BPIFB1: variants seen among roughly 807,000 people sequenced by gnomAD.
BPIFB1 encodes the protein BPI fold-containing family B member 1.
Under a neutral mutation model 55.1 loss-of-function variants are expected in BPIFB1, and 34 were observed. The ratio of observed to expected loss-of-function variants is 0.62; its 90% CI spans 0.47 to 0.82. The LOEUF (loss-of-function observed/expected upper bound fraction) is 0.82, where lower values mean the gene tolerates loss of function less well. Ranked by LOEUF, BPIFB1 falls within the 40% of genes least tolerant of loss-of-function variation. The probability of loss-of-function intolerance (pLI) is 0.00; values close to 1 mark genes in which losing one functional copy is unlikely to be tolerated. For missense variants in BPIFB1, 532 were observed against 593.1 expected (o/e 0.90, Z 1.07); for synonymous variants, 236 against 245.3 (o/e 0.96, Z 0.35).
At position 33,306,913 on chromosome 20, in the gene BPIFB1, A is replaced by C. The variant is rs890618043; in HGVS notation, c.1321A>C (p.Lys441Gln). 12 of 1,613,736 alleles carry C rather than the reference A, an allele frequency of 7.4e-6. No homozygotes were observed. Among genetic ancestry groups the C allele is most frequent in the Non-Finnish European group, 1.0e-5 (12 of 1,179,682 alleles). The change falls in exon 15 of 16, where the codon AAA (lysine) becomes CAA (glutamine). Residue 441 changes from lysine to glutamine, a missense_variant and splice_region_variant. By Grantham distance (53) the Lys-to-Gln change is moderately conservative (BLOSUM62 1). Transcript: ENST00000253354. ...HSILLPNQNG[K>Q]LRSGVPVSLV... is the part of the protein sequence containing the mutation. ...TCTGACCACATTTGTTATTTCAGGC[A>C]AATTAAGATCTGGGGTCCCAGTGTC...
At chr20:33,303,142 C>T in intron 11 of BPIFB1, 68 bp downstream of exon 11, 1 of 1,578,360 alleles carries the variant, frequency 6.3e-7, no homozygotes, top group Admixed American at 1.7e-5. Context: ...TCCTGTTCGC[C>T]CTCTTGCTTT....
At chr20:33,291,762 T>C (rs1405158550) in intron 5 of BPIFB1, 145 bp from the exon 6 acceptor site, 1 of 678,412 alleles carries the variant, frequency 1.5e-6, no homozygotes, top group Non-Finnish European at 2.5e-6. Context: ...GCTCAGGGGC[T>C]ACTCCCAGCC....
intron 11 of BPIFB1, among the ~76,000 whole-genome samples, chr20:33,303,567 A>G (rs888904039): frequency 6.6e-6 from 1 of 152,040 alleles, no homozygotes; most frequent in Non-Finnish European, 1.5e-5. Context: ...CTCAGGGCTG[A>G]CTCTCACTGA....
intron 14 of BPIFB1, chr20:33,306,682 G>A (rs1981036984): frequency 5.3e-6 from 3 of 567,826 alleles, no homozygotes; most frequent in Non-Finnish European, 9.5e-6. Context: ...GAGCGTAAGA[G>A]AATGTGAGGA....
intron 15 of BPIFB1, among the ~76,000 whole-genome samples, chr20:33,308,162 C>A (rs1981096968): frequency 6.6e-6 from 1 of 152,062 alleles, no homozygotes; most frequent in Non-Finnish European, 1.5e-5. Flanking sequence ...CCAGATCTCA[C>A]AAGAGCACAC....
intron 1 of BPIFB1, among the ~76,000 whole-genome samples, chr20:33,285,524 T>C (rs896402505): frequency 9.9e-5 from 15 of 151,140 alleles, no homozygotes; most frequent in Non-Finnish European, 1.9e-4. Flanking sequence ...CCATCCTGGC[T>C]AACACGGTGA....
At position 33,297,557 on chromosome 20, in the gene BPIFB1, C is replaced by A. The variant is rs1436906430; in HGVS notation, c.630C>A (p.Gly210=). The change falls in exon 7 of 16, where the codon GGC becomes GGA. Residue 210 remains glycine, a synonymous_variant. Coordinates refer to ENST00000253354, the MANE Select transcript of BPIFB1 (RefSeq NM_033197.3). The stretch of plus-strand genomic sequence containing the variant: ...CCGTGATCGAGGCTTCCTTCAATGG[C>A]ATGTATGCAGACCTCCTGCAGCTGG... ...LCPVIEASFN[G]MYADLLQLVK... 2.0e-5 allele frequency: 33 copies of A among 1,614,206 alleles called. No individual in the cohort carries two copies. The highest frequency in any genetic ancestry group is 2.6e-5 in the Non-Finnish European group (31 of 1,180,028).
chr20:33,288,662 C>T, intron 2 of BPIFB1, 79 bp from the exon 3 acceptor site: 3 of 1,542,708 alleles, frequency 1.9e-6, no homozygotes, highest in Non-Finnish European at 2.6e-6. Flanking sequence ...GAGTGATACC[C>T]CTCCCCAGCC....
chr20:33,305,123 A>G (rs1184736375), intron 13 of BPIFB1, among the ~76,000 whole-genome samples: 2 of 152,174 alleles, frequency 1.3e-5, no homozygotes, highest in Non-Finnish European at 2.9e-5. Context: ...TCACAGATAC[A>G]CACTTTCTTT....
chr20:33,290,831 G>C (rs1980441883), intron 4 of BPIFB1, 126 bp from the exon 5 acceptor site: 1 of 1,041,870 alleles, frequency 9.6e-7, no homozygotes, highest in Non-Finnish European at 1.4e-6. Context: ...GTTGGGTGAA[G>C]ATGAGGAGAA....
chr20:33,302,981 T>A lies in BPIFB1; in HGVS notation c.1047T>A (p.Phe349Leu), dbSNP rs1036821486. 6.2e-7 allele frequency: 1 copy of A among 1,613,974 alleles called. No homozygotes were observed. The highest frequency in any genetic ancestry group is 1.3e-5 in the African/African-American group (1 of 74,898). ...TAACTCAGGACACTCCCGAGTTTTT[T>A]ATAGACCAAGGCCATGCCAAGGTGG... ...KILTQDTPEF[F>L]IDQGHAKVAQ... The change falls in exon 11 of 16, where the codon TTT (phenylalanine) becomes TTA (leucine). Residue 349 changes from phenylalanine (F) to leucine (L), a missense_variant. By Grantham distance (22) the Phe-to-Leu change is conservative. Coordinates refer to ENST00000253354, the MANE Select transcript of BPIFB1 (RefSeq NM_033197.3).
At chr20:33,286,842 G>C (rs917780228) in intron 2 of BPIFB1, among the ~76,000 whole-genome samples, 1 of 152,214 alleles carries the variant, frequency 6.6e-6, no homozygotes, top group African/African-American at 2.4e-5. Context: ...CAACCAAAAA[G>C]GTCTCCAGAC....
At chr20:33,303,120 T>C (rs768633541) in intron 11 of BPIFB1, 46 bp downstream of exon 11, 3 of 1,605,986 alleles carry the variant, frequency 1.9e-6, no homozygotes, top group Non-Finnish European at 2.6e-6. Context: ...GGGGGACCCT[T>C]CTGTCTACTT....
chr20:33,299,287 G>T lies in BPIFB1; in HGVS notation c.662-612G>T, dbSNP rs559216397. The T allele has an allele frequency of 1.5e-3, 633 of 411,132 alleles. 7 individuals carry two copies. Among genetic ancestry groups the T allele is most frequent in the South Asian group, 3.3e-3 (202 of 60,598 alleles). 25.5% of individuals were successfully genotyped at this position (411,132 alleles called of 1,614,324 possible). On this transcript the variant is annotated intron_variant, in intron 7 of 15. Transcript: ENST00000253354. ...CATCCTCGGCCATACACCGGGGCAGGTGACACACCACCGCCACCTGGCGGC... is the reference window on the plus strand; with the variant it reads ...CATCCTCGGCCATACACCGGGGCAGTTGACACACCACCGCCACCTGGCGGC...
At chr20:33,284,062 T>C (rs1980187521) in intron 1 of BPIFB1, among the ~76,000 whole-genome samples, 2 of 152,178 alleles carry the variant, frequency 1.3e-5, no homozygotes, top group African/African-American at 2.4e-5. Context: ...ATATTAGTAA[T>C]AATACCTGTC....
At chr20:33,301,090 A>G (rs1980832148) in intron 8 of BPIFB1, 143 bp from the exon 9 acceptor site, 3 of 753,622 alleles carry the variant, frequency 4.0e-6, no homozygotes, top group Admixed American at 5.0e-5. Context: ...AGATGTTGCC[A>G]CACACCTGAG....
At chr20:33,304,775 C>A in intron 12 of BPIFB1, 71 bp from the exon 13 acceptor site, 1 of 1,562,540 alleles carries the variant, frequency 6.4e-7, no homozygotes. Context: ...CTCAATAAAT[C>A]GCTGTTGAAT....
chr20:33,291,103 ATAAG>A lies in BPIFB1; in HGVS notation c.514_515+2del. On this transcript the variant is annotated splice_donor_variant and coding_sequence_variant, in exon 5 of 16. Coordinates refer to ENST00000253354, the MANE Select transcript of BPIFB1 (RefSeq NM_033197.3). LOFTEE classifies it high-confidence loss of function. ...GGGAGCCTGCGCATCCAACTGCTGC[ATAAG>A]TGAGTGTCGCTGGCCACCAGCCGGG... 2 of 1,610,736 alleles carry A rather than the reference ATAAG, an allele frequency of 1.2e-6. No individual in the cohort carries two copies. Among genetic ancestry groups the A allele is most frequent in the Non-Finnish European group, 1.7e-6 (2 of 1,179,980 alleles).
intron 13 of BPIFB1, 41 bp downstream of exon 13, chr20:33,304,932 C>G (rs201580521): frequency 6.2e-7 from 1 of 1,605,612 alleles, no homozygotes; most frequent in East Asian, 2.2e-5. Context: ...CAGGGGGTGG[C>G]CTGGAATGGT....
Sources: allele counts gnomAD v4.1 joint callset (sites outside exome capture counted in the v4.1 genomes callset), GRCh38; gene constraint gnomAD v4.1.1; transcripts MANE v1.5; gene names NCBI Gene and HGNC (gene_info 2026-07-23, HGNC 2026-07-21).